The following DPY19L2 variants were observed in gnomAD, a reference collection of about 807,000 sequenced individuals.
The protein encoded by DPY19L2 is probable C-mannosyltransferase DPY19L2.
A neutral mutation model predicts 97.9 loss-of-function variants in DPY19L2; 34 were observed. That is an observed-to-expected ratio of 0.35 (90% CI 0.26 to 0.46). DPY19L2 has a LOEUF of 0.46. DPY19L2 is among the 20% of genes least tolerant of loss of function. DPY19L2 has a pLI of 1.00. For synonymous variants in DPY19L2, 230 were observed against 307.9 expected (o/e 0.75, Z 2.65); for missense variants, 623 against 911.4 (o/e 0.68, Z 4.07).
intron 16 of DPY19L2, chr12:63,584,086 T>G (rs2137387221): frequency 2.4e-6 from 1 of 416,624 alleles, no homozygotes; most frequent in Non-Finnish European, 4.4e-6. Context: ...AAATAGATTT[T>G]ACAGATCCCT....
At chr12:63,656,636 A>G (rs2138255010) in intron 4 of DPY19L2, among the ~76,000 whole-genome samples, 1 of 152,022 alleles carries the variant, frequency 6.6e-6, no homozygotes, top group East Asian at 1.9e-4. Context: ...TCAAATGTTT[A>G]TTCTTCCTCA....
chr12:63,619,116 T>C (rs1051347675), intron 9 of DPY19L2, among the ~76,000 whole-genome samples: 5 of 152,044 alleles, frequency 3.3e-5, no homozygotes, highest in African/African-American at 7.2e-5. Flanking sequence ...ACTGATAGGA[T>C]TGAAAATTCC....
intron 21 of DPY19L2, among the ~76,000 whole-genome samples, chr12:63,565,992 T>G (rs1368613906): frequency 6.6e-6 from 1 of 152,170 alleles, no homozygotes; most frequent in African/African-American, 2.4e-5. Flanking sequence ...TATTCATACA[T>G]TTTTCACTTC....
intron 11 of DPY19L2, among the ~76,000 whole-genome samples, chr12:63,615,997 G>T (rs1346007300): frequency 2.0e-5 from 3 of 152,070 alleles, no homozygotes; most frequent in Admixed American, 6.6e-5. Flanking sequence ...ACAACTATTT[G>T]CATAGTATTT....
intron 20 of DPY19L2, among the ~76,000 whole-genome samples, chr12:63,570,481 A>G (rs1878590484): frequency 6.6e-6 from 1 of 152,106 alleles, no homozygotes; most frequent in Non-Finnish European, 1.5e-5. Context: ...GAATACATAC[A>G]CACATCATAA....
chr12:63,600,828 C>G (rs1376000330), intron 12 of DPY19L2, among the ~76,000 whole-genome samples: 2 of 151,266 alleles, frequency 1.3e-5, no homozygotes, highest in Admixed American at 6.7e-5. Flanking sequence ...CTCTGTCCCC[C>G]AGGCCGGAGT....
chr12:63,621,390 C>G (rs1200688118), intron 8 of DPY19L2, 53 bp from the exon 9 acceptor site: 14 of 827,794 alleles, frequency 1.7e-5, no homozygotes, highest in Non-Finnish European at 2.4e-5. Context: ...TGGGCTGTCA[C>G]TGAAAAGAAA....
chr12:63,603,294 T>A (rs1885487710), intron 12 of DPY19L2, among the ~76,000 whole-genome samples: 1 of 152,202 alleles, frequency 6.6e-6, no homozygotes, highest in African/African-American at 2.4e-5. Context: ...CCCCTCTGTG[T>A]ATCTATTTTG....
At chr12:63,590,882 T>G (rs2137451974) in intron 16 of DPY19L2, 1 of 303,862 alleles carries the variant, frequency 3.3e-6, no homozygotes, top group African/African-American at 2.1e-5. Flanking sequence ...CTTTCAAATA[T>G]GTAATCAATA....
intron 6 of DPY19L2, among the ~76,000 whole-genome samples, chr12:63,643,171 T>G (rs1592706852): frequency 6.6e-6 from 1 of 152,178 alleles, no homozygotes; most frequent in South Asian, 2.1e-4. Context: ...TTTTAAAATT[T>G]TTCTAGATAC....
chr12:63,611,157 T>C (rs1886952187), intron 11 of DPY19L2, among the ~76,000 whole-genome samples: 1 of 152,010 alleles, frequency 6.6e-6, no homozygotes, highest in African/African-American at 2.4e-5. Flanking sequence ...TATAAAATAG[T>C]GCAGCCAAAG....
intron 11 of DPY19L2, among the ~76,000 whole-genome samples, chr12:63,610,863 A>AAAC (rs1886856687): frequency 9.9e-6 from 1 of 100,560 alleles, no homozygotes; most frequent in East Asian, 4.7e-4. Flanking sequence ...AAAAAAAAAA[A>AAAC]AAAAAAAAAA....
chr12:63,629,268 G>C (rs1301739794), intron 6 of DPY19L2, among the ~76,000 whole-genome samples: 3 of 152,062 alleles, frequency 2.0e-5, no homozygotes, highest in South Asian at 2.1e-4. Context: ...GAACTACTCT[G>C]AGCTAAAGGA....
At chr12:63,583,268 G>T (rs1368600796) in intron 17 of DPY19L2, among the ~76,000 whole-genome samples, 1 of 152,106 alleles carries the variant, frequency 6.6e-6, no homozygotes, top group Non-Finnish European at 1.5e-5. Context: ...CCCACTTAAA[G>T]TTCTATCAAA....
chr12:63,657,823 A>G (rs1015476491), intron 4 of DPY19L2, among the ~76,000 whole-genome samples: 8 of 152,176 alleles, frequency 5.3e-5, no homozygotes, highest in Non-Finnish European at 7.3e-5. Flanking sequence ...ACCAGCTCAC[A>G]CTAAGCCTGT....
intron 8 of DPY19L2, chr12:63,623,697 A>T: frequency 4.8e-6 from 1 of 207,516 alleles, no homozygotes; most frequent in Non-Finnish European, 1.0e-5. Context: ...AAGTGTATAT[A>T]TGTAATATAT....
intron 4 of DPY19L2, among the ~76,000 whole-genome samples, chr12:63,657,881 T>G (rs1170718287): frequency 6.6e-6 from 1 of 152,216 alleles, no homozygotes; most frequent in Admixed American, 6.5e-5. Context: ...CCAGCTTATA[T>G]GGCATTCAAA....
At chr12:63,640,932 G>A (rs1041880604) in intron 6 of DPY19L2, among the ~76,000 whole-genome samples, 8 of 151,554 alleles carry the variant, frequency 5.3e-5, no homozygotes, top group African/African-American at 1.7e-4. Context: ...TCGCTTTGTC[G>A]CCCAGGCTGG....
intron 6 of DPY19L2, among the ~76,000 whole-genome samples, 162 bp from the exon 7 acceptor site, chr12:63,626,688 T>C (rs1889607444): frequency 6.6e-6 from 1 of 152,310 alleles, no homozygotes; most frequent in Middle Eastern, 3.4e-3. Flanking sequence ...AAATCCTGAA[T>C]GTATAATTCT....
Sources: gnomAD v4.1 joint callset for allele counts (sites outside exome capture counted in the v4.1 genomes callset) on GRCh38, gnomAD v4.1.1 for gene constraint, MANE v1.5 for transcripts, NCBI Gene and HGNC (gene_info 2026-07-23, HGNC 2026-07-21) for gene names.